ROR2: variants seen among roughly 807,000 people sequenced by gnomAD.
ROR2 encodes the protein tyrosine-protein kinase transmembrane receptor ROR2.
ROR2 carries 33 observed loss-of-function variants against 74.9 expected under a neutral mutation model. That is an observed-to-expected ratio of 0.44 (90% confidence interval 0.33 to 0.59). The LOEUF (loss-of-function observed/expected upper bound fraction) is 0.59, where lower values mean the gene tolerates loss of function less well. Among genes scored for constraint, ROR2 ranks in the 20% least tolerant of loss-of-function variants. The pLI, the probability that ROR2 is intolerant of heterozygous loss-of-function variation, is 0.02. For missense variants in ROR2, 1,216 were observed against 1,313.8 expected, an observed-to-expected ratio of 0.93 and a Z score of 1.15; for synonymous variants, 586 against 558.7, an observed-to-expected ratio of 1.05 and a Z score of -0.69.
intron 1 of ROR2, among the ~76,000 whole-genome samples, chr9:91,898,478 C>G (rs1285195077): frequency 6.6e-6 from 1 of 152,162 alleles, no homozygotes; most frequent in Non-Finnish European, 1.5e-5. Flanking sequence ...GGATTACAAC[C>G]CCAAGACGTC....
At chr9:91,844,736 A>G (rs1464080714) in intron 1 of ROR2, among the ~76,000 whole-genome samples, 1 of 152,120 alleles carries the variant, frequency 6.6e-6, no homozygotes, top group South Asian at 2.1e-4. Flanking sequence ...CACTGTTAGG[A>G]AGGTTGAAAA....
chr9:91,737,870 G>A (rs2118731411), intron 4 of ROR2, among the ~76,000 whole-genome samples: 1 of 152,298 alleles, frequency 6.6e-6, no homozygotes, highest in South Asian at 2.1e-4. Flanking sequence ...GGTGAAAAGA[G>A]CCAATCTGAA....
chr9:91,844,126 T>C (rs1345687693), intron 1 of ROR2, among the ~76,000 whole-genome samples: 1 of 152,244 alleles, frequency 6.6e-6, no homozygotes, highest in Non-Finnish European at 1.5e-5. Context: ...GCCAGCAGCA[T>C]AAATCAGAAT....
At chr9:91,927,949 C>T (rs1311113639) in intron 1 of ROR2, among the ~76,000 whole-genome samples, 1 of 152,138 alleles carries the variant, frequency 6.6e-6, no homozygotes, top group Non-Finnish European at 1.5e-5. Context: ...ATCCTTGATG[C>T]TCCTGCATTT....
chr9:91,950,109 C>T lies in ROR2; in HGVS notation c.-146G>A. 1 of 435,642 alleles carries T rather than the reference C, an allele frequency of 2.3e-6. No individual in the cohort carries two copies. Among genetic ancestry groups the T allele is most frequent in the Non-Finnish European group, 4.0e-6 (1 of 252,488 alleles). The allele number at this position is 435,642 out of a possible 1,614,324, so 27.0% of individuals were successfully genotyped here. The stretch of plus-strand genomic sequence containing the variant: ...TCCACTTCGAGGACCTCGTCGTCGT[C>T]CTCTTCTCCGGCCCGGATGCGCCGC... On this transcript the variant is annotated 5_prime_UTR_variant, in exon 1 of 9. Coordinates refer to ENST00000375708, the MANE Select transcript of ROR2 (RefSeq NM_004560.4).
chr9:91,810,778 T>G (rs1827725008), intron 1 of ROR2, among the ~76,000 whole-genome samples: 1 of 152,152 alleles, frequency 6.6e-6, no homozygotes, highest in Non-Finnish European at 1.5e-5. Context: ...GGCCTCTGCA[T>G]CCCAGTGGAG....
At chr9:91,935,719 T>G (rs753319612) in intron 1 of ROR2, among the ~76,000 whole-genome samples, 2 of 152,116 alleles carry the variant, frequency 1.3e-5, no homozygotes, top group Non-Finnish European at 2.9e-5. Flanking sequence ...AGCTGCCTCA[T>G]CTGCTCTGAC....
intron 4 of ROR2, among the ~76,000 whole-genome samples, chr9:91,754,204 T>A (rs1825670189): frequency 6.6e-6 from 1 of 150,746 alleles, no homozygotes; most frequent in African/African-American, 2.4e-5. Context: ...TTTATATAAA[T>A]ATATATATTT....
Position 91,723,636 on chromosome 9 carries a change from C to T in ROR2, c.*26G>A. On this transcript the variant is annotated 3_prime_UTR_variant, in exon 9 of 9. Coordinates refer to ENST00000375708, the MANE Select transcript of ROR2 (RefSeq NM_004560.4). The stretch of plus-strand genomic sequence containing the variant: ...TGTGGGGTCTCGGCGGGGCTTCTAT[C>T]CCCGAACCCCGGGCCCTGGTGCCAC... 6.2e-7 allele frequency: 1 copy of T among 1,611,062 alleles called. No homozygotes were observed. Among genetic ancestry groups the T allele is most frequent in the Admixed American group, 1.7e-5 (1 of 59,974 alleles).
At chr9:91,791,662 T>C (rs944386393) in intron 1 of ROR2, among the ~76,000 whole-genome samples, 1 of 152,146 alleles carries the variant, frequency 6.6e-6, no homozygotes, top group Non-Finnish European at 1.5e-5. Flanking sequence ...CACTCCACTT[T>C]CGATAACAGA....
intron 1 of ROR2, among the ~76,000 whole-genome samples, chr9:91,813,415 A>G (rs1211473178): frequency 6.6e-6 from 1 of 152,184 alleles, no homozygotes; most frequent in Non-Finnish European, 1.5e-5. Context: ...AACAGTAACC[A>G]GATTGTTTGG....
chr9:91,856,099 C>G (rs1195231220), intron 1 of ROR2, among the ~76,000 whole-genome samples: 1 of 152,208 alleles, frequency 6.6e-6, no homozygotes, highest in Non-Finnish European at 1.5e-5. Flanking sequence ...TGCAGTGGCT[C>G]AAGCCTGTAA....
intron 1 of ROR2, among the ~76,000 whole-genome samples, chr9:91,810,679 T>C (rs1193232150): frequency 2.0e-5 from 3 of 152,046 alleles, no homozygotes; most frequent in Admixed American, 1.3e-4. Context: ...TGCTCAGCAA[T>C]AAAGGCTGCC....
At chr9:91,725,860 T>C (rs4075589) in intron 8 of ROR2, among the ~76,000 whole-genome samples, 4 of 152,052 alleles carry the variant, frequency 2.6e-5, no homozygotes, top group Non-Finnish European at 4.4e-5. Context: ...CCCCTGCCCA[T>C]AGCAAACTCT....
At chr9:91,747,436 A>G (rs1825459446) in intron 4 of ROR2, among the ~76,000 whole-genome samples, 1 of 152,230 alleles carries the variant, frequency 6.6e-6, no homozygotes, top group Non-Finnish European at 1.5e-5. Flanking sequence ...GTTAGCAACC[A>G]TCAGAGTTCA....
intron 1 of ROR2, among the ~76,000 whole-genome samples, chr9:91,812,692 C>T (rs1827801734): frequency 1.3e-5 from 2 of 151,968 alleles, no homozygotes; most frequent in African/African-American, 2.4e-5. Context: ...CCCTCACACC[C>T]GTGGGACTTT....
chr9:91,882,598 G>T (rs1830147764), intron 1 of ROR2, among the ~76,000 whole-genome samples: 1 of 152,148 alleles, frequency 6.6e-6, no homozygotes, highest in Admixed American at 6.5e-5. Context: ...GGATTGTTAT[G>T]AACTGAATTG....
intron 1 of ROR2, among the ~76,000 whole-genome samples, chr9:91,867,655 GCTGTGTGTGTGTGT>G (rs1266592186): frequency 1.8e-5 from 2 of 112,658 alleles, no homozygotes; most frequent in African/African-American, 7.6e-5. Flanking sequence ...CCACCCATGA[GCTGTGTGTGTGTGT>G]GTGTGTGTGT....
At chr9:91,842,851 C>T (rs1461877041) in intron 1 of ROR2, among the ~76,000 whole-genome samples, 2 of 152,208 alleles carry the variant, frequency 1.3e-5, no homozygotes, top group Non-Finnish European at 2.9e-5. Flanking sequence ...CAGCTCTTTG[C>T]TTTCCTGCAG....
Sources: gnomAD v4.1 joint callset for allele counts (sites outside exome capture counted in the v4.1 genomes callset) on GRCh38, gnomAD v4.1.1 for gene constraint, MANE v1.5 for transcripts, NCBI Gene and HGNC (gene_info 2026-07-23, HGNC 2026-07-21) for gene names.